The following RNF220 variants were observed in gnomAD, a reference collection of about 807,000 sequenced individuals.
RNF220 encodes ring finger protein 220.
A neutral mutation model predicts 67.1 loss-of-function variants in RNF220; 7 were observed. The observed-to-expected ratio is 0.10, with a 90% CI of 0.06 to 0.20. RNF220 has a LOEUF of 0.20. Among genes scored for constraint, RNF220 ranks in the 10% least tolerant of loss-of-function variants. The probability of loss-of-function intolerance (pLI) is 1.00; values close to 1 mark genes in which losing one functional copy is unlikely to be tolerated. For synonymous variants in RNF220, 270 were observed against 283.2 expected, an observed-to-expected ratio of 0.95 and a Z score of 0.47; for missense variants, 565 against 740.3, an observed-to-expected ratio of 0.76 and a Z score of 2.75.
chr1:44,409,390 G>A (rs1320608854), intron 1 of RNF220, among the ~76,000 whole-genome samples: 3 of 152,208 alleles, frequency 2.0e-5, no homozygotes, highest in Non-Finnish European at 4.4e-5. Flanking sequence ...TTTGGAGTTT[G>A]TCTGATGCCG....
intron 2 of RNF220, among the ~76,000 whole-genome samples, chr1:44,461,155 G>T (rs1192037886): frequency 6.6e-6 from 1 of 152,040 alleles, no homozygotes; most frequent in African/African-American, 2.4e-5. Flanking sequence ...AATAAATATT[G>T]CATATTTAAT....
chr1:44,511,906 C>CGTGTGT (rs571261660), intron 2 of RNF220, among the ~76,000 whole-genome samples: 1 of 80,100 alleles, frequency 1.2e-5, no homozygotes, highest in Non-Finnish European at 2.8e-5. Context: ...AATTGAGAAG[C>CGTGTGT]GTGTGTGTGC....
intron 1 of RNF220, chr1:44,409,025 G>C (rs1647696271): frequency 6.6e-6 from 1 of 152,262 alleles, no homozygotes. Flanking sequence ...AGCGCGGAGC[G>C]CTGCGCATCA....
chr1:44,600,260 G>A lies in RNF220; in HGVS notation c.626-13905G>A, dbSNP rs1276435849. ...GACATCCAAGCAGAGCATCTTCTAC[G>A]CAGTGTTGTACGTGGCTCAGATTGG... On this transcript the variant is annotated intron_variant, in intron 2 of 14. Coordinates refer to ENST00000361799, the MANE Select transcript of RNF220 (RefSeq NM_018150.4). The surrounding 1 kb of genome is among the most constrained non-coding windows in gnomAD (Gnocchi z 4.0). Among the ~76,000 whole-genome samples, 3 of 152,192 alleles carry A rather than the reference G, an allele frequency of 2.0e-5. No homozygotes were observed. The highest frequency in any genetic ancestry group is 1.9e-4 in the East Asian group (1 of 5,190).
intron 2 of RNF220, among the ~76,000 whole-genome samples, chr1:44,578,308 C>G (rs1664978691): frequency 6.6e-6 from 1 of 151,916 alleles, no homozygotes; most frequent in Non-Finnish European, 1.5e-5. Context: ...GCCACCATGC[C>G]CAGCTCATTT....
intron 8 of RNF220, chr1:44,644,394 T>C (rs188953247): frequency 4.2e-5 from 13 of 306,928 alleles, no homozygotes; most frequent in African/African-American, 2.6e-4. Context: ...ACCTGGAAGA[T>C]AGGTGGACAG....
chr1:44,535,637 G>T (rs554116609), intron 2 of RNF220, among the ~76,000 whole-genome samples: 1 of 152,344 alleles, frequency 6.6e-6, no homozygotes, highest in Non-Finnish European at 1.5e-5. Flanking sequence ...AAGTTAATGT[G>T]TATTTCCTAA....
chr1:44,504,417 C>T (rs1339479847), intron 2 of RNF220, among the ~76,000 whole-genome samples: 1 of 152,200 alleles, frequency 6.6e-6, no homozygotes. Flanking sequence ...TGTCTGGGCC[C>T]TGACCCTTCT....
intron 2 of RNF220, among the ~76,000 whole-genome samples, chr1:44,508,183 C>T (rs372809412): frequency 1.9e-4 from 7 of 36,338 alleles, no homozygotes; most frequent in East Asian, 1.4e-3. Flanking sequence ...CAGGGTTGGG[C>T]GGGGGTGGGG....
chr1:44,538,340 T>A (rs1661399179), intron 2 of RNF220, among the ~76,000 whole-genome samples: 3 of 152,202 alleles, frequency 2.0e-5, no homozygotes, highest in South Asian at 4.1e-4. Flanking sequence ...TCCCTGCCCC[T>A]TCTTGAAACG....
chr1:44,602,512 A>G (rs1666994109), intron 2 of RNF220, among the ~76,000 whole-genome samples: 1 of 152,068 alleles, frequency 6.6e-6, no homozygotes, highest in Non-Finnish European at 1.5e-5. Context: ...CCCAGAGGTC[A>G]TGCTGGGAAG....
intron 2 of RNF220, among the ~76,000 whole-genome samples, chr1:44,595,066 G>C (rs1291640225): frequency 6.6e-6 from 1 of 152,186 alleles, no homozygotes; most frequent in Non-Finnish European, 1.5e-5. Context: ...CCGCAGCACT[G>C]GTCTCACCTA....
At chr1:44,620,680 G>A (rs543857143) in intron 3 of RNF220, among the ~76,000 whole-genome samples, 1 of 152,294 alleles carries the variant, frequency 6.6e-6, no homozygotes, top group East Asian at 1.9e-4. Context: ...GATTAGACTG[G>A]CTGACAGCTC....
At chr1:44,550,971 G>T (rs1316982883) in intron 2 of RNF220, among the ~76,000 whole-genome samples, 1 of 152,034 alleles carries the variant, frequency 6.6e-6, no homozygotes, top group Non-Finnish European at 1.5e-5. Context: ...GCATTCAGGG[G>T]ATTTGGATAT....
chr1:44,458,075 A>G (rs1653381621), intron 2 of RNF220, among the ~76,000 whole-genome samples: 2 of 150,306 alleles, frequency 1.3e-5, no homozygotes, highest in African/African-American at 4.9e-5. Context: ...TGGGCAACAT[A>G]GCAAGACCCT....
At chr1:44,455,073 G>A (rs548437828) in intron 2 of RNF220, among the ~76,000 whole-genome samples, 1 of 152,254 alleles carries the variant, frequency 6.6e-6, no homozygotes, top group African/African-American at 2.4e-5. Flanking sequence ...AGAATTGCTG[G>A]GTTAAATGGT....
intron 2 of RNF220, among the ~76,000 whole-genome samples, chr1:44,568,854 TTCGGAGGCTATTCC>T (rs1173487890): frequency 2.0e-5 from 3 of 152,198 alleles, no homozygotes; most frequent in African/African-American, 7.2e-5. Context: ...ATGGGAAGGC[TTCGGAGGCTATTCC>T]TCCTTGAATA....
chr1:44,426,330 A>C (rs970807532), intron 2 of RNF220, among the ~76,000 whole-genome samples: 2 of 152,240 alleles, frequency 1.3e-5, no homozygotes, highest in Non-Finnish European at 1.5e-5. Context: ...CAGTATGACA[A>C]GATGAAGAGG....
At chr1:44,639,210 A>C (rs931463585) in intron 8 of RNF220, among the ~76,000 whole-genome samples, 2 of 152,216 alleles carry the variant, frequency 1.3e-5, no homozygotes, top group Non-Finnish European at 2.9e-5. Flanking sequence ...TTCCACCTGT[A>C]GTCTAAGGAG....
Sources: allele counts gnomAD v4.1 joint callset (sites outside exome capture counted in the v4.1 genomes callset), GRCh38; gene constraint gnomAD v4.1.1; non-coding constraint Gnocchi (gnomAD v3.1); transcripts MANE v1.5; gene names NCBI Gene and HGNC (gene_info 2026-07-23, HGNC 2026-07-21).